Variants in PAG1 observed in about 807,000 individuals in gnomAD.
PAG1 encodes the protein phosphoprotein membrane anchor with glycosphingolipid microdomains 1.
Under a neutral mutation model 31.7 loss-of-function variants are expected in PAG1, and 23 were observed. The observed-to-expected ratio is 0.73, with a 90% confidence interval of 0.52 to 1.03. The LOEUF (loss-of-function observed/expected upper bound fraction) is 1.03, where lower values mean the gene tolerates loss of function less well. Ranked by LOEUF, PAG1 falls within the 50% of genes least tolerant of loss-of-function variation. The probability of loss-of-function intolerance (pLI) is 0.00; values close to 1 mark genes in which losing one functional copy is unlikely to be tolerated. For missense variants in PAG1, 473 were observed against 540.7 expected (o/e 0.87, Z 1.24); for synonymous variants, 214 against 210.3 (o/e 1.02, Z -0.15).
chr8:81,063,615 A>G lies in PAG1; in HGVS notation c.-175+6497T>C, dbSNP rs143284248. ...AAATCACCTTATGTTAGTAATTTGG[A>G]TGTGACAGGTGTCTGGCTGTGAAAG... On this transcript the variant is annotated intron_variant, in intron 2 of 8. Coordinates refer to ENST00000220597, the MANE Select transcript of PAG1 (RefSeq NM_018440.4). 1.0e-3 allele frequency among the ~76,000 whole-genome samples: 159 copies of G among 152,308 alleles called. 2 individuals carry two copies. In the East Asian group the frequency reaches 0.029, roughly 28 times the overall value.
At chr8:81,075,607 G>A (rs1485382017) in intron 1 of PAG1, among the ~76,000 whole-genome samples, 2 of 152,162 alleles carry the variant, frequency 1.3e-5, no homozygotes, top group African/African-American at 4.8e-5. Flanking sequence ...ATGCTCACAA[G>A]GATTCATACT....
intron 2 of PAG1, among the ~76,000 whole-genome samples, chr8:81,061,267 G>C (rs1189906298): frequency 6.6e-6 from 1 of 152,206 alleles, no homozygotes; most frequent in African/African-American, 2.4e-5. Context: ...TCTACCATCA[G>C]AGCAGAACAT....
intron 1 of PAG1, among the ~76,000 whole-genome samples, chr8:81,104,140 A>G (rs1809654238): frequency 6.6e-6 from 1 of 152,136 alleles, no homozygotes; most frequent in South Asian, 2.1e-4. Context: ...AGAACCGGAA[A>G]CTCTAGGAGT....
chr8:81,090,522 G>C (rs1809427839), intron 1 of PAG1, among the ~76,000 whole-genome samples: 1 of 152,254 alleles, frequency 6.6e-6, no homozygotes. Context: ...TCATAGTCCA[G>C]TGGGAGAAAG....
At chr8:81,048,223 T>C (rs1488690264) in intron 2 of PAG1, among the ~76,000 whole-genome samples, 1 of 152,214 alleles carries the variant, frequency 6.6e-6, no homozygotes, top group Non-Finnish European at 1.5e-5. Context: ...CTTTTCCTTC[T>C]GCTCTTAGAT....
intron 2 of PAG1, among the ~76,000 whole-genome samples, chr8:81,033,273 C>T (rs918252780): frequency 7.9e-5 from 12 of 152,166 alleles, no homozygotes; most frequent in African/African-American, 2.9e-4. Flanking sequence ...AGTTGTTACA[C>T]TAAGCAGATA....
chr8:81,103,473 G>A (rs1276429408), intron 1 of PAG1, among the ~76,000 whole-genome samples: 1 of 152,134 alleles, frequency 6.6e-6, no homozygotes, highest in Non-Finnish European at 1.5e-5. Flanking sequence ...TTCCTCATAT[G>A]TATAACGGGA....
intron 8 of PAG1, among the ~76,000 whole-genome samples, chr8:80,979,063 CA>C (rs1235990731): frequency 2.0e-5 from 3 of 152,016 alleles, no homozygotes; most frequent in African/African-American, 4.8e-5. Flanking sequence ...TACATAAATA[CA>C]AAAAAAACTT....
intron 1 of PAG1, among the ~76,000 whole-genome samples, chr8:81,084,372 A>G (rs1212958724): frequency 6.7e-6 from 1 of 148,894 alleles, no homozygotes; most frequent in African/African-American, 2.6e-5. Context: ...TAGTAGCAAA[A>G]GTTTACATAA....
Position 81,111,865 on chromosome 8 carries a change from G to C in PAG1, c.-508C>G, listed in dbSNP as rs1809780964. 1 of 152,256 alleles carries C rather than the reference G, an allele frequency of 6.6e-6. No individual in the cohort carries two copies. The highest frequency in any genetic ancestry group is 2.4e-5 in the African/African-American group (1 of 41,454). The allele number at this position is 152,256 out of a possible 1,614,324, so 9.4% of individuals were successfully genotyped here. A position where few individuals can be genotyped will look rare whatever the true frequency, so the allele number is the denominator to read the frequency against. On this transcript the variant is annotated 5_prime_UTR_variant, in exon 1 of 9. Coordinates refer to ENST00000220597, the MANE Select transcript of PAG1 (RefSeq NM_018440.4). ...CTGCAGCTGCCTCCAGCCCCGGAGC[G>C]CGGCGCTCCGAGCCCCTGGTGGGTG...
intron 7 of PAG1, among the ~76,000 whole-genome samples, chr8:80,983,605 G>A (rs145344022): frequency 1.3e-5 from 2 of 152,298 alleles, no homozygotes; most frequent in African/African-American, 4.8e-5. Flanking sequence ...TTACTATATT[G>A]TGGAAGGATA....
chr8:81,007,980 T>C (rs1807915896), intron 3 of PAG1, among the ~76,000 whole-genome samples: 1 of 152,186 alleles, frequency 6.6e-6, no homozygotes. Context: ...GATGTGTTTT[T>C]AGGACAAAAA....
At chr8:81,085,406 G>C (rs1394087199) in intron 1 of PAG1, among the ~76,000 whole-genome samples, 13 of 152,158 alleles carry the variant, frequency 8.5e-5, no homozygotes, top group Admixed American at 2.6e-4. Context: ...GTGACAAGTA[G>C]CACAAAAAAT....
intron 6 of PAG1, among the ~76,000 whole-genome samples, chr8:80,986,384 A>G (rs1458175549): frequency 6.6e-6 from 1 of 152,160 alleles, no homozygotes; most frequent in East Asian, 1.9e-4. Flanking sequence ...ATCAGTAAAC[A>G]GGGGTAACAG....
At chr8:80,980,320 G>A (rs1299299775) in intron 8 of PAG1, 115 bp downstream of exon 8, 1 of 651,980 alleles carries the variant, frequency 1.5e-6, no homozygotes, top group Admixed American at 2.6e-5. Flanking sequence ...TCCAAACATA[G>A]GCATAGGAGA....
chr8:81,097,183 T>C (rs923352070), intron 1 of PAG1, among the ~76,000 whole-genome samples: 3 of 152,080 alleles, frequency 2.0e-5, no homozygotes, highest in Non-Finnish European at 2.9e-5. Flanking sequence ...CCAAAATTAC[T>C]GGGGGTGGGC....
intron 3 of PAG1, among the ~76,000 whole-genome samples, chr8:81,027,064 G>A (rs1466123657): frequency 6.6e-6 from 1 of 151,880 alleles, no homozygotes; most frequent in East Asian, 1.9e-4. Context: ...AGACTGGAGT[G>A]GAGTGGTATG....
At chr8:81,033,559 C>G (rs1808414559) in intron 2 of PAG1, among the ~76,000 whole-genome samples, 1 of 152,164 alleles carries the variant, frequency 6.6e-6, no homozygotes, top group African/African-American at 2.4e-5. Context: ...CAAACATGAC[C>G]TCTCCCTGAA....
Position 80,984,947 on chromosome 8 carries a change from T to G in PAG1, c.705A>C (p.Lys235Asn), listed in dbSNP as rs1388345917. ...TCTCTACATTAACACTTTGACGACA[T>G]TTTTTGTTTCTGTCCACCGAGGCAT... ...AEYASVDRNK[K>N]CRQSVNVESI... The change falls in exon 7 of 9, where the codon AAA (lysine) becomes AAC (asparagine). Residue 235 changes from lysine to asparagine, a missense_variant. Coordinates refer to ENST00000220597, the MANE Select transcript of PAG1 (RefSeq NM_018440.4). 1.9e-6 allele frequency: 3 copies of G among 1,614,162 alleles called. No homozygotes were observed. The highest frequency in any genetic ancestry group is 2.5e-6 in the Non-Finnish European group (3 of 1,180,006).
Sources: gnomAD v4.1 joint callset for allele counts (sites outside exome capture counted in the v4.1 genomes callset) on GRCh38, gnomAD v4.1.1 for gene constraint, MANE v1.5 for transcripts, NCBI Gene and HGNC (gene_info 2026-07-23, HGNC 2026-07-21) for gene names.